Variants in R3HDM2 observed in about 807,000 individuals in gnomAD.
R3HDM2 encodes the protein R3H domain-containing protein 2.
In R3HDM2, 38 loss-of-function variants were observed where a neutral mutation model predicts 124.5. The observed-to-expected ratio is 0.31, with a 90% CI of 0.24 to 0.40. The LOEUF (loss-of-function observed/expected upper bound fraction) is 0.40, where lower values mean the gene tolerates loss of function less well. Ranked by LOEUF, R3HDM2 falls within the 10% of genes least tolerant of loss-of-function variation. The pLI is 1.00. For synonymous variants in R3HDM2, 391 were observed against 448.0 expected (o/e 0.87, Z 1.61); for missense variants, 869 against 1,236.9 (o/e 0.70, Z 4.46).
intron 14 of R3HDM2, among the ~76,000 whole-genome samples, chr12:57,270,816 G>C (rs188767619): frequency 1.1e-4 from 16 of 152,240 alleles, no homozygotes; most frequent in Non-Finnish European, 1.8e-4. Context: ...TGATCAGCCC[G>C]CCTCAGCCTC....
In R3HDM2 at chr12:57,268,513, A is replaced by ATGTGAT. The variant is rs1224506554; in HGVS notation, c.1876-57_1876-56insATCACA. The ATGTGAT allele has an allele frequency of 9.5e-6, 15 of 1,572,434 alleles. No individual in the cohort carries two copies. The East Asian group carries it at 3.4e-4, about 35-fold the overall frequency. ...ATTCGCATTCACATTGAGCTCATGC[A>ATGTGAT]GAAACAGCCTAGTCATCACGAGATC... On this transcript the variant is annotated intron_variant, in intron 17 of 23. Transcript: ENST00000402412.
Position 57,299,242 on chromosome 12 carries a change from A to C in R3HDM2, c.421+110T>G, listed in dbSNP as rs1463332189. On this transcript the variant is annotated intron_variant, in intron 6 of 23. Coordinates refer to ENST00000402412, the MANE Select transcript of R3HDM2 (RefSeq NM_001394031.1). ...AGGCATCTCCTCAAGCAACCAAGTT[A>C]GCAGAACACTACAAATTGATGGGCC... The C allele has an allele frequency of 2.4e-6, 3 of 1,261,978 alleles. No individual in the cohort carries two copies. In the African/African-American group the frequency reaches 4.6e-5, roughly 19 times the overall value. 78.2% of individuals were successfully genotyped at this position (1,261,978 alleles called of 1,614,324 possible).
At chr12:57,372,558 G>A (rs572795678) in intron 2 of R3HDM2, among the ~76,000 whole-genome samples, 3 of 152,244 alleles carry the variant, frequency 2.0e-5, no homozygotes, top group African/African-American at 7.2e-5. Context: ...ATATTTTTCA[G>A]GAATTTGGCA....
intron 2 of R3HDM2, among the ~76,000 whole-genome samples, chr12:57,385,684 C>G (rs1029567890): frequency 2.0e-5 from 3 of 151,600 alleles, no homozygotes; most frequent in East Asian, 1.9e-4. Context: ...CACAGCAGGA[C>G]CCCGTCTTCA....
intron 2 of R3HDM2, among the ~76,000 whole-genome samples, chr12:57,376,441 T>C (rs902775384): frequency 2.0e-5 from 3 of 152,326 alleles, no homozygotes; most frequent in Admixed American, 2.0e-4. Context: ...AGGATATCCC[T>C]GAACCATCCT....
At chr12:57,262,232 G>A (rs1407488576) in intron 19 of R3HDM2, among the ~76,000 whole-genome samples, 1 of 152,098 alleles carries the variant, frequency 6.6e-6, no homozygotes, top group African/African-American at 2.4e-5. Context: ...AATGGAAGAC[G>A]AAAGAGCAGT....
intron 1 of R3HDM2, among the ~76,000 whole-genome samples, chr12:57,396,552 G>C (rs1365063662): frequency 6.6e-6 from 1 of 152,140 alleles, no homozygotes; most frequent in African/African-American, 2.4e-5. Flanking sequence ...GCCCAGGCAG[G>C]TGGATCACGA....
chr12:57,367,580 C>T (rs903773342), intron 2 of R3HDM2, among the ~76,000 whole-genome samples: 3 of 152,196 alleles, frequency 2.0e-5, no homozygotes, highest in Non-Finnish European at 2.9e-5. Context: ...ATGTGTATCC[C>T]TCCCAACCCT....
In R3HDM2 at chr12:57,430,878, A is replaced by C. The variant is rs1869741014; in HGVS notation, c.-264T>G. ...TCCCCGGGGCCGAGGGCTGGGAAGC[A>C]GGGGGGACTGGGACGGGGGAGGGGA... On this transcript the variant is annotated 5_prime_UTR_variant, in exon 1 of 24. Transcript: ENST00000402412. 1 of 98,378 alleles carries C rather than the reference A, an allele frequency of 1.0e-5. No homozygotes were observed. Among genetic ancestry groups the C allele is most frequent in the Non-Finnish European group, 2.1e-5 (1 of 48,268 alleles). 6.1% of individuals were successfully genotyped at this position (98,378 alleles called of 1,614,324 possible). A position where few individuals can be genotyped will look rare whatever the true frequency, so the allele number is the denominator to read the frequency against.
Position 57,296,355 on chromosome 12 carries a change from C to A in R3HDM2, c.701+56G>T. 1 of 1,538,458 alleles carries A rather than the reference C, an allele frequency of 6.5e-7. No homozygotes were observed. The highest frequency in any genetic ancestry group is 1.2e-5 in the South Asian group (1 of 83,486). On this transcript the variant is annotated intron_variant, in intron 9 of 23. Transcript: ENST00000402412. The surrounding 1 kb of genome is among the most constrained non-coding windows in gnomAD (Gnocchi z 4.5). ...CATCCTGATCCTACACCTTCCTCTT[C>A]CAACCCAGCAGGTTATCCCAGGGAA...
rs143792062 is a variant in R3HDM2 at position 57,293,935 on chromosome 12, T to C, written c.811-1268A>G. On this transcript the variant is annotated intron_variant, in intron 10 of 23. Transcript: ENST00000402412. ...AAGGAGCTATATTGTCCTCAGCCCC[T>C]AGGTAAATCAATGGCAAAGTAGAAA... Among the ~76,000 whole-genome samples the C allele has an allele frequency of 5.0e-3, 754 of 152,280 alleles. 9 individuals carry two copies. Among genetic ancestry groups the C allele is most frequent in the African/African-American group, 0.017 (722 of 41,566 alleles).
chr12:57,351,764 G>A (rs2060701654), intron 2 of R3HDM2, among the ~76,000 whole-genome samples: 1 of 152,070 alleles, frequency 6.6e-6, no homozygotes, highest in African/African-American at 2.4e-5. Context: ...TTTGTACATG[G>A]CACAGAGTAG....
At chr12:57,382,527 G>A (rs1456871712) in intron 2 of R3HDM2, among the ~76,000 whole-genome samples, 2 of 144,810 alleles carry the variant, frequency 1.4e-5, no homozygotes, top group East Asian at 2.1e-4. Flanking sequence ...GATGAAAGGC[G>A]TGAGCCCAGC....
chr12:57,369,363 C>T (rs1051835012), intron 2 of R3HDM2, among the ~76,000 whole-genome samples: 1 of 152,200 alleles, frequency 6.6e-6, no homozygotes, highest in African/African-American at 2.4e-5. Context: ...TCATTGTAAA[C>T]TGATGCGAAC....
chr12:57,380,248 T>C (rs936187078), intron 2 of R3HDM2, among the ~76,000 whole-genome samples: 6 of 152,214 alleles, frequency 3.9e-5, no homozygotes, highest in African/African-American at 9.6e-5. Flanking sequence ...CAAAAACATA[T>C]TGTTTTTCAA....
intron 1 of R3HDM2, among the ~76,000 whole-genome samples, chr12:57,417,823 G>C (rs543330994): frequency 1.5e-4 from 23 of 152,244 alleles, no homozygotes; most frequent in African/African-American, 5.1e-4. Context: ...TGGGTTATCT[G>C]TCAGGAATGG....
At chr12:57,294,643 G>A (rs1010211246) in intron 10 of R3HDM2, among the ~76,000 whole-genome samples, 7 of 152,050 alleles carry the variant, frequency 4.6e-5, no homozygotes, top group Non-Finnish European at 8.8e-5. Context: ...TCTTCAAATC[G>A]AATCCCTTTT....
At chr12:57,346,381 C>A (rs1472784107) in intron 2 of R3HDM2, among the ~76,000 whole-genome samples, 2 of 151,554 alleles carry the variant, frequency 1.3e-5, no homozygotes, top group Non-Finnish European at 2.9e-5. Context: ...TCACTTGAAC[C>A]CAGGAGGCAG....
intron 1 of R3HDM2, among the ~76,000 whole-genome samples, chr12:57,430,344 A>G (rs1300268776): frequency 6.6e-6 from 1 of 151,606 alleles, no homozygotes; most frequent in Non-Finnish European, 1.5e-5. Context: ...ACACTTCTAC[A>G]CCTCTCCGTC....
Sources: gnomAD v4.1 joint callset for allele counts (sites outside exome capture counted in the v4.1 genomes callset) on GRCh38, gnomAD v4.1.1 for gene constraint, Gnocchi (gnomAD v3.1) non-coding constraint, MANE v1.5 for transcripts, NCBI Gene and HGNC (gene_info 2026-07-23, HGNC 2026-07-21) for gene names.